Variants in DROSHA observed in about 807,000 individuals in gnomAD.
DROSHA encodes the protein ribonuclease 3.
A neutral mutation model predicts 181.9 loss-of-function variants in DROSHA; 56 were observed. The observed-to-expected ratio is 0.31, with a 90% CI of 0.25 to 0.38. The LOEUF (loss-of-function observed/expected upper bound fraction) is 0.38. Among genes scored for constraint, DROSHA ranks in the 10% least tolerant of loss-of-function variants. The pLI, the probability that DROSHA is intolerant of heterozygous loss-of-function variation, is 1.00. For missense variants in DROSHA, 1,218 were observed against 1,743.5 expected, an observed-to-expected ratio of 0.70 and a Z score of 5.37; for synonymous variants, 524 against 591.2, an observed-to-expected ratio of 0.89 and a Z score of 1.65.
intron 35 of DROSHA, among the ~76,000 whole-genome samples, chr5:31,403,273 C>A (rs1385392480): frequency 1.3e-5 from 2 of 152,192 alleles, no homozygotes; most frequent in Non-Finnish European, 2.9e-5. Flanking sequence ...ATAAACTCTA[C>A]TGTAAAATCA....
At chr5:31,464,475 C>T (rs1341679712) in intron 19 of DROSHA, 132 bp from the exon 20 acceptor site, 8 of 778,764 alleles carry the variant, frequency 1.0e-5, no homozygotes, top group Non-Finnish European at 1.7e-5. Context: ...CCTCTTCATA[C>T]AAAATTACAA....
chr5:31,435,855 C>T lies in DROSHA; in HGVS notation c.2952G>A (p.Leu984=), dbSNP rs1353717983. 6.2e-7 allele frequency: 1 copy of T among 1,609,380 alleles called. No homozygotes were observed. The highest frequency in any genetic ancestry group is 1.1e-5 in the South Asian group (1 of 90,124). ...AVVEFLTSVH[L]YYLFPSLEEG... ...CTTCCAGACTAGGAAACAAATAGTA[C>T]AAATGGACGCTACAAAAAAAAAAAG... is the stretch of plus-strand genomic sequence containing the variant. Residue 984 remains leucine, a synonymous_variant, in exon 25 of 36, where the codon TTG becomes TTA. Transcript: ENST00000344624.
At chr5:31,457,677 C>A (rs181014635) in intron 20 of DROSHA, among the ~76,000 whole-genome samples, 196 of 152,156 alleles carry the variant, frequency 1.3e-3, no homozygotes, top group African/African-American at 4.2e-3. Flanking sequence ...ATCACTTGAA[C>A]CTAGGAGTTT....
intron 25 of DROSHA, among the ~76,000 whole-genome samples, chr5:31,433,682 C>A (rs191987258): frequency 2.0e-3 from 307 of 152,174 alleles, no homozygotes; most frequent in Non-Finnish European, 3.1e-3. Context: ...GTAGCCGGGA[C>A]TACAGGCGCC....
intron 21 of DROSHA, among the ~76,000 whole-genome samples, chr5:31,450,397 C>T (rs1399952819): frequency 3.9e-5 from 6 of 152,144 alleles, no homozygotes; most frequent in African/African-American, 1.4e-4. Context: ...TATTGCAGCA[C>T]AATTCACAAT....
chr5:31,464,230 C>T lies in DROSHA; in HGVS notation c.2574+6G>A. ...GGCATAACTGTGTCCTCAGAAGTCTCCCCACCTGACAGACATCAGAACGGA... is the reference window on the plus strand; with the variant it reads ...GGCATAACTGTGTCCTCAGAAGTCTTCCCACCTGACAGACATCAGAACGGA... On this transcript the variant is annotated splice_donor_region_variant and intron_variant, in intron 20 of 35. Coordinates refer to ENST00000344624, the MANE Select transcript of DROSHA (RefSeq NM_001382508.1). The T allele has an allele frequency of 1.2e-6, 2 of 1,612,820 alleles. No individual in the cohort carries two copies. The highest frequency in any genetic ancestry group is 3.3e-5 in the Admixed American group (2 of 59,914).
At chr5:31,467,076 C>T (rs1376455436) in intron 18 of DROSHA, 1 of 146,756 alleles carries the variant, frequency 6.8e-6, no homozygotes, top group Non-Finnish European at 1.5e-5. Context: ...CTTAGCTGGG[C>T]CTCTCCTTTT....
rs10719 is a variant in DROSHA at position 31,401,340 on chromosome 5, A to C, written c.*92T>G. On this transcript the variant is annotated 3_prime_UTR_variant, in exon 36 of 36. Coordinates refer to ENST00000344624, the MANE Select transcript of DROSHA (RefSeq NM_001382508.1). Reference sequence around the variant, plus strand: ...TATTTTATTTCAATGAGCACACTTCATTCATTGTCTGCAGGAAAACTAGGC... The same window carrying C: ...TATTTTATTTCAATGAGCACACTTCCTTCATTGTCTGCAGGAAAACTAGGC... The C allele has an allele frequency of 1.3e-6, 2 of 1,534,134 alleles. No individual in the cohort carries two copies. The highest frequency in any genetic ancestry group is 1.8e-6 in the Non-Finnish European group (2 of 1,117,748).
intron 20 of DROSHA, among the ~76,000 whole-genome samples, chr5:31,463,230 T>C (rs1748601535): frequency 6.6e-6 from 1 of 152,174 alleles, no homozygotes; most frequent in Non-Finnish European, 1.5e-5. Context: ...ATGATTACCC[T>C]GAAAATAGGG....
At chr5:31,522,330 T>C (rs1387988971) in intron 5 of DROSHA, among the ~76,000 whole-genome samples, 1 of 152,208 alleles carries the variant, frequency 6.6e-6, no homozygotes, top group Non-Finnish European at 1.5e-5. Flanking sequence ...TTAGTTATTG[T>C]ATAGAAATTA....
At chr5:31,476,891 TCA>T (rs2150032120) in intron 16 of DROSHA, among the ~76,000 whole-genome samples, 2 of 152,344 alleles carry the variant, frequency 1.3e-5, no homozygotes, top group Admixed American at 6.5e-5. Context: ...TGCCATGAAT[TCA>T]CTAATGTTAA....
intron 16 of DROSHA, among the ~76,000 whole-genome samples, chr5:31,479,900 T>C (rs974682567): frequency 1.3e-5 from 2 of 151,892 alleles, no homozygotes; most frequent in Non-Finnish European, 2.9e-5. Context: ...TTGTAGACAC[T>C]TTCAGTTCTC....
intron 25 of DROSHA, among the ~76,000 whole-genome samples, chr5:31,433,114 A>G (rs567463607): frequency 6.6e-6 from 1 of 152,230 alleles, no homozygotes; most frequent in Non-Finnish European, 1.5e-5. Context: ...GTCCTCAGAC[A>G]AAAGACATAG....
chr5:31,508,711 A>G lies in DROSHA; in HGVS notation c.1497T>C (p.Ser499=), dbSNP rs771200140. The change falls in exon 10 of 36, where the codon TCT becomes TCC. Residue 499 remains serine (S), a synonymous_variant. Transcript: ENST00000344624. The part of the protein sequence containing the change: ...EDSTCSSSSD[S]EVFDVIAEIK... ...TTTCTGCAATAACGTCAAAAACTTC[A>G]GAGTCTGAGCTGCTAGAACAGGTGC... 1.9e-6 allele frequency: 3 copies of G among 1,613,980 alleles called. No individual in the cohort carries two copies. Among genetic ancestry groups the G allele is most frequent in the Non-Finnish European group, 2.5e-6 (3 of 1,179,872 alleles).
intron 30 of DROSHA, among the ~76,000 whole-genome samples, chr5:31,413,814 C>T (rs1423677903): frequency 6.6e-6 from 1 of 152,188 alleles, no homozygotes; most frequent in African/African-American, 2.4e-5. Context: ...TTCAGGGCCT[C>T]ATTTACCTGG....
At position 31,404,425 on chromosome 5, in the gene DROSHA, GC is replaced by G. The variant is rs772332338; in HGVS notation, c.3994+1251del. On this transcript the variant is annotated intron_variant, in intron 35 of 35. Coordinates refer to ENST00000344624, the MANE Select transcript of DROSHA (RefSeq NM_001382508.1). Reference sequence around the variant, plus strand: ...AGCGTCTGCTCCCACTAAACTCCCTGCCCCTGAACAGGAAACTTTGCTGATT... The same window carrying G: ...AGCGTCTGCTCCCACTAAACTCCCTGCCCTGAACAGGAAACTTTGCTGATT... Among the ~76,000 whole-genome samples, 52 of 152,254 alleles carry G rather than the reference GC, an allele frequency of 3.4e-4. No individual in the cohort carries two copies. The East Asian group carries it at 9.6e-3, about 28-fold the overall frequency.
Position 31,405,741 on chromosome 5 carries a change from G to C in DROSHA, c.3948-18C>G. On this transcript the variant is annotated intron_variant, in intron 34 of 35. Transcript: ENST00000344624. ...GCTGAATACTATTAAATAAAATAAA[G>C]TAAGACATACTTTAATTTCAAGATT... 1.4e-6 allele frequency: 1 copy of C among 738,372 alleles called. No homozygotes were observed. The highest frequency in any genetic ancestry group is 2.0e-6 in the Non-Finnish European group (1 of 493,384). The allele number at this position is 738,372 out of a possible 1,614,324, so 45.7% of individuals were successfully genotyped here.
intron 23 of DROSHA, among the ~76,000 whole-genome samples, chr5:31,447,855 C>A (rs930108658): frequency 1.3e-5 from 2 of 152,114 alleles, no homozygotes; most frequent in East Asian, 3.9e-4. Flanking sequence ...CAGACAATAA[C>A]AAGTGTTGAC....
intron 20 of DROSHA, among the ~76,000 whole-genome samples, chr5:31,454,183 C>T (rs1747369736): frequency 6.6e-6 from 1 of 152,160 alleles, no homozygotes; most frequent in South Asian, 2.1e-4. Flanking sequence ...CTGGAGAGAG[C>T]TCTGCCGAAT....
Sources: allele counts gnomAD v4.1 joint callset (sites outside exome capture counted in the v4.1 genomes callset), GRCh38; gene constraint gnomAD v4.1.1; transcripts MANE v1.5; gene names NCBI Gene and HGNC (gene_info 2026-07-23, HGNC 2026-07-21).